LRRC37A2: variants seen among roughly 807,000 people sequenced by gnomAD.
The protein encoded by LRRC37A2 is leucine rich repeat containing 37 member A2, also known as leucine-rich repeat-containing protein 37A2.
LRRC37A2 carries 9 observed loss-of-function variants against 68.8 expected under a neutral mutation model. The observed-to-expected ratio is 0.13, with a 90% CI of 0.08 to 0.23. The LOEUF (loss-of-function observed/expected upper bound fraction) is 0.23. Among genes scored for constraint, LRRC37A2 ranks in the 10% least tolerant of loss-of-function variants. LRRC37A2 has a pLI of 1.00. For missense variants in LRRC37A2, 168 were observed against 950.4 expected (o/e 0.18, Z 10.82); for synonymous variants, 63 against 367.6 (o/e 0.17, Z 9.48).
chr17:46,871,234 A>C, the LRRC37A2 span, among the ~76,000 whole-genome samples: 1 of 152,106 alleles, frequency 6.6e-6, no homozygotes, highest in Non-Finnish European at 1.5e-5. Flanking sequence ...CCTGGCTATG[A>C]GGCCAGGATA....
the LRRC37A2 span, among the ~76,000 whole-genome samples, chr17:46,784,481 C>T: frequency 5.9e-5 from 9 of 151,998 alleles, no homozygotes; most frequent in East Asian, 7.8e-4. Context: ...GGACACTGAG[C>T]GTCACGGTGG....
the LRRC37A2 span, among the ~76,000 whole-genome samples, chr17:46,903,044 G>C: frequency 6.6e-6 from 1 of 152,232 alleles, no homozygotes; most frequent in Admixed American, 6.5e-5. Context: ...CACTTTGGGA[G>C]GCCAAGGCAG....
chr17:46,927,416 T>C, the LRRC37A2 span, among the ~76,000 whole-genome samples: 1 of 152,216 alleles, frequency 6.6e-6, no homozygotes, highest in African/African-American at 2.4e-5. Context: ...TTGTGGGTTT[T>C]GTGGGGGTGG....
the LRRC37A2 span, among the ~76,000 whole-genome samples, chr17:47,034,826 C>CA: frequency 7.1e-4 from 106 of 150,082 alleles, no homozygotes; most frequent in South Asian, 9.2e-3. Context: ...CTTTTCATGC[C>CA]AAAAAAAAAT....
the LRRC37A2 span, among the ~76,000 whole-genome samples, chr17:46,789,752 G>A: frequency 6.6e-6 from 1 of 152,326 alleles, no homozygotes; most frequent in East Asian, 1.9e-4. Flanking sequence ...ACTGCCCAGG[G>A]CTCCAGCTTG....
At chr17:46,974,887 G>A in the LRRC37A2 span, among the ~76,000 whole-genome samples, 63,733 of 151,922 alleles carry the variant, frequency 0.42, 14,086 homozygotes, top group East Asian at 0.54. Flanking sequence ...GGGAGTGGAA[G>A]CTCAGTGTTT....
chr17:46,888,688 A>G, the LRRC37A2 span, among the ~76,000 whole-genome samples: 5 of 152,246 alleles, frequency 3.3e-5, no homozygotes, highest in East Asian at 9.6e-4. Flanking sequence ...TGCTCATCTT[A>G]TGTCACAGAC....
At chr17:46,781,651 C>T in the LRRC37A2 span, among the ~76,000 whole-genome samples, 29 of 152,232 alleles carry the variant, frequency 1.9e-4, no homozygotes, top group Admixed American at 6.5e-4. Flanking sequence ...TGAAAACAGA[C>T]GGTGGTGATG....
At chr17:46,944,333 GC>G in the LRRC37A2 span, among the ~76,000 whole-genome samples, 1 of 152,218 alleles carries the variant, frequency 6.6e-6, no homozygotes, top group Non-Finnish European at 1.5e-5. Context: ...TCAAGTCCCA[GC>G]CCTGCTGGCA....
chr17:46,768,853 T>C, the LRRC37A2 span: 1 of 1,589,396 alleles, frequency 6.3e-7, no homozygotes, highest in African/African-American at 1.3e-5. The surrounding 1 kb of genome is among the most constrained non-coding windows in gnomAD (Gnocchi z 5.0). Context: ...AGGGGGCACA[T>C]CCAGGCCTTC....
At chr17:46,791,351 G>A in the LRRC37A2 span, among the ~76,000 whole-genome samples, 5 of 152,048 alleles carry the variant, frequency 3.3e-5, no homozygotes. Flanking sequence ...TTACAGACGA[G>A]GACCACCATA....
the LRRC37A2 span, chr17:46,876,728 C>G: frequency 6.6e-7 from 1 of 1,524,104 alleles, no homozygotes; most frequent in Non-Finnish European, 8.8e-7. Context: ...GGCCTACTGC[C>G]CAGCAAGCCA....
At chr17:46,580,535 C>CA in the LRRC37A2 span, among the ~76,000 whole-genome samples, 26,388 of 68,568 alleles carry the variant, frequency 0.38, 3,222 homozygotes, top group Middle Eastern at 0.52. Flanking sequence ...CCCATCTCTG[C>CA]AAAAAAAAAC....
At chr17:46,690,611 C>CAAAA in the LRRC37A2 span, among the ~76,000 whole-genome samples, 22,931 of 89,496 alleles carry the variant, frequency 0.26, 3,952 homozygotes, top group South Asian at 0.48. Flanking sequence ...GACTCCGTCT[C>CAAAA]AAAAAAAAAA....
At chr17:46,896,235 G>A in the LRRC37A2 span, among the ~76,000 whole-genome samples, 24 of 150,966 alleles carry the variant, frequency 1.6e-4, 1 homozygote, top group African/African-American at 7.3e-5. Context: ...CGGAGGTTGC[G>A]GTGAACCAAG....
the LRRC37A2 span, among the ~76,000 whole-genome samples, chr17:46,679,135 A>G: frequency 1.3e-5 from 2 of 152,184 alleles, no homozygotes; most frequent in African/African-American, 2.4e-5. Flanking sequence ...AATTATTACC[A>G]TAAAAATCAG....
the LRRC37A2 span, among the ~76,000 whole-genome samples, chr17:46,767,274 C>A: frequency 2.0e-5 from 3 of 152,250 alleles, no homozygotes; most frequent in East Asian, 3.9e-4. Flanking sequence ...CTCATCCCAG[C>A]CACTCTGAAC....
the LRRC37A2 span, among the ~76,000 whole-genome samples, chr17:46,953,499 A>C: frequency 1.1e-3 from 168 of 152,298 alleles, no homozygotes; most frequent in African/African-American, 3.9e-3. Context: ...ATAGTGCCGC[A>C]ATAAACATAC....
At chr17:46,996,280 G>A in the LRRC37A2 span, among the ~76,000 whole-genome samples, 1 of 152,146 alleles carries the variant, frequency 6.6e-6, no homozygotes, top group African/African-American at 2.4e-5. Flanking sequence ...TATCAGCATT[G>A]AGAACACCAC....
Sources: gnomAD v4.1 joint callset for allele counts (sites outside exome capture counted in the v4.1 genomes callset) on GRCh38, gnomAD v4.1.1 for gene constraint, Gnocchi (gnomAD v3.1) non-coding constraint, MANE v1.5 for transcripts, NCBI Gene and HGNC (gene_info 2026-07-23, HGNC 2026-07-21) for gene names.